LAMC3: variants seen among roughly 807,000 people sequenced by gnomAD.
LAMC3 encodes laminin subunit gamma 3, also known as laminin subunit gamma-3.
A neutral mutation model predicts 173.8 loss-of-function variants in LAMC3; 128 were observed. The ratio of observed to expected loss-of-function variants is 0.74; its 90% confidence interval spans 0.64 to 0.85. The LOEUF (loss-of-function observed/expected upper bound fraction) is 0.85, where lower values mean the gene tolerates loss of function less well. LAMC3 is among the 40% of genes least tolerant of loss of function. The pLI is 0.00. For missense variants in LAMC3, 2,022 were observed against 2,156.0 expected, an observed-to-expected ratio of 0.94 and a Z score of 1.23; for synonymous variants, 897 against 909.1, an observed-to-expected ratio of 0.99 and a Z score of 0.24.
intron 3 of LAMC3, among the ~76,000 whole-genome samples, chr9:131,035,886 G>A (rs1833934380): frequency 6.6e-6 from 1 of 152,174 alleles, no homozygotes; most frequent in South Asian, 2.1e-4. Context: ...CTTGCTAGCT[G>A]GTGGCTTTGG....
chr9:131,032,623 T>TCTCA (rs145869617), intron 3 of LAMC3, among the ~76,000 whole-genome samples: 2 of 146,116 alleles, frequency 1.4e-5, no homozygotes, highest in African/African-American at 5.3e-5. Flanking sequence ...TCTCTCTCTC[T>TCTCA]CACTCTCTCT....
rs779815278 is a variant in LAMC3 at position 131,032,178 on chromosome 9, A to G, written c.809+3A>G. 1.3e-6 allele frequency: 2 copies of G among 1,493,650 alleles called. No homozygotes were observed. The highest frequency in any genetic ancestry group is 3.0e-5 in the African/African-American group (2 of 67,734). 92.5% of individuals were successfully genotyped at this position (1,493,650 alleles called of 1,614,324 possible). ...TCCGACTTCTCTGTGGGCGGCAGGT[A>G]GGAGGGAGGAGGGAGGCAGGGTGGC... On this transcript the variant is annotated splice_donor_region_variant and intron_variant, in intron 3 of 27. Coordinates refer to ENST00000361069, the MANE Select transcript of LAMC3 (RefSeq NM_006059.4).
At chr9:131,050,060 G>C (rs1433721977) in intron 9 of LAMC3, among the ~76,000 whole-genome samples, 1 of 152,262 alleles carries the variant, frequency 6.6e-6, no homozygotes, top group Non-Finnish European at 1.5e-5. Context: ...GAAGTCAAAG[G>C]CGTCGGGCCC....
intron 27 of LAMC3, 111 bp from the exon 28 acceptor site, chr9:131,091,426 G>A: frequency 7.2e-7 from 1 of 1,395,804 alleles, no homozygotes; most frequent in Non-Finnish European, 9.9e-7. Flanking sequence ...TGGATGGTGG[G>A]CCATTGGAAT....
chr9:131,058,453 C>T (rs760462094), intron 12 of LAMC3, among the ~76,000 whole-genome samples: 2 of 151,626 alleles, frequency 1.3e-5, no homozygotes, highest in African/African-American at 2.4e-5. Flanking sequence ...TGGCCTTGCT[C>T]AAGGTCACAT....
At chr9:131,067,348 A>G in intron 14 of LAMC3, 143 bp downstream of exon 14, 2 of 1,010,486 alleles carry the variant, frequency 2.0e-6, no homozygotes, top group Non-Finnish European at 3.0e-6. Flanking sequence ...CAGGCAGGTC[A>G]CTTCCCTTCC....
At chr9:131,017,241 G>A (rs1007924916) in intron 1 of LAMC3, among the ~76,000 whole-genome samples, 1 of 152,192 alleles carries the variant, frequency 6.6e-6, no homozygotes, top group Admixed American at 6.5e-5. Flanking sequence ...TCTCGGGAGG[G>A]GAGCTTGGAG....
At chr9:131,018,281 C>T (rs1296362244) in intron 1 of LAMC3, among the ~76,000 whole-genome samples, 46 of 151,534 alleles carry the variant, frequency 3.0e-4, no homozygotes, top group Admixed American at 3.0e-3. Flanking sequence ...ATTACAGGTG[C>T]ATGCCACCAT....
At chr9:131,027,102 G>A (rs1318671478) in intron 2 of LAMC3, among the ~76,000 whole-genome samples, 1 of 152,214 alleles carries the variant, frequency 6.6e-6, no homozygotes, top group Non-Finnish European at 1.5e-5. Flanking sequence ...GAAGGAAGAC[G>A]GGCTACTCAG....
intron 2 of LAMC3, among the ~76,000 whole-genome samples, chr9:131,031,369 A>G (rs556412129): frequency 6.6e-5 from 10 of 152,276 alleles, no homozygotes; most frequent in East Asian, 1.9e-4. Flanking sequence ...GCAGGTATTT[A>G]TCGAGTGCCT....
rs34368388 is a variant in LAMC3, at chr9:131,024,150, CT to C, written c.374-2119del. On this transcript the variant is annotated intron_variant, in intron 1 of 27. Coordinates refer to ENST00000361069, the MANE Select transcript of LAMC3 (RefSeq NM_006059.4). ...TTTTCTTCTAAGAAAGAAGTTTTAGCTTTTTTTTTTTTTTTTAGACAGTCTT... is the reference window on the plus strand; with the variant it reads ...TTTTCTTCTAAGAAAGAAGTTTTAGCTTTTTTTTTTTTTTTAGACAGTCTT... Among the ~76,000 whole-genome samples, 417 of 131,420 alleles carry C rather than the reference CT, an allele frequency of 3.2e-3. 2 individuals are homozygous for C. Among genetic ancestry groups the C allele is most frequent in the East Asian group, 3.9e-3 (18 of 4,580 alleles). 86.2% of individuals were successfully genotyped at this position (131,420 alleles called of 152,430 possible). A position where few individuals can be genotyped will look rare whatever the true frequency, so the allele number is the denominator to read the frequency against.
At chr9:131,084,848 G>A (rs1294103418) in intron 24 of LAMC3, among the ~76,000 whole-genome samples, 1 of 151,344 alleles carries the variant, frequency 6.6e-6, no homozygotes, top group East Asian at 1.9e-4. Flanking sequence ...GCAGTGAGCT[G>A]AGATCTCTCC....
chr9:131,068,366 G>A lies in LAMC3; in HGVS notation c.2747+135G>A, dbSNP rs929214059. 53 of 902,014 alleles carry A rather than the reference G, an allele frequency of 5.9e-5. No individual in the cohort carries two copies. The South Asian group carries it at 7.3e-4, about 12-fold the overall frequency. 55.9% of individuals were successfully genotyped at this position (902,014 alleles called of 1,614,324 possible). On this transcript the variant is annotated intron_variant, in intron 15 of 27. Transcript: ENST00000361069. The stretch of plus-strand genomic sequence containing the variant: ...TGCCAGGCACATTGTGCCCTTTGCC[G>A]AAGGGGAGCAAAGGGATGGACTCTT...
intron 6 of LAMC3, 104 bp from the exon 7 acceptor site, chr9:131,041,533 C>T: frequency 1.1e-5 from 11 of 989,014 alleles, no homozygotes; most frequent in Admixed American, 5.9e-5. Context: ...GCGTCAGCCT[C>T]ACTCCTGATG....
At chr9:131,038,094 C>G (rs1024562826) in intron 4 of LAMC3, among the ~76,000 whole-genome samples, 1 of 152,226 alleles carries the variant, frequency 6.6e-6, no homozygotes, top group Non-Finnish European at 1.5e-5. Context: ...CTGTCTGCGA[C>G]GCCCTTCCCG....
At chr9:131,027,904 G>A (rs528881198) in intron 2 of LAMC3, among the ~76,000 whole-genome samples, 1 of 152,376 alleles carries the variant, frequency 6.6e-6, no homozygotes, top group Non-Finnish European at 1.5e-5. Context: ...GTGCGGACCT[G>A]CCGGGATCGG....
chr9:131,072,418 T>A (rs757977149), intron 18 of LAMC3, among the ~76,000 whole-genome samples: 4 of 152,132 alleles, frequency 2.6e-5, no homozygotes, highest in African/African-American at 7.2e-5. Flanking sequence ...ATGACTGACT[T>A]GCTGTGGGTA....
Position 131,039,095 on chromosome 9 carries a change from C to G in LAMC3, c.1166-36C>G, listed in dbSNP as rs1039254496. On this transcript the variant is annotated intron_variant, in intron 5 of 27. Transcript: ENST00000361069. Reference sequence around the variant, plus strand: ...CCCCAGCCTCCGACCCTCTCCCTTTCCTGGCCTCAATTGCCCTGTGCCCTT... The same window carrying G: ...CCCCAGCCTCCGACCCTCTCCCTTTGCTGGCCTCAATTGCCCTGTGCCCTT... 5 of 1,612,132 alleles carry G rather than the reference C, an allele frequency of 3.1e-6. No homozygotes were observed. In the Admixed American group the frequency reaches 8.3e-5, roughly 27 times the overall value.
intron 1 of LAMC3, among the ~76,000 whole-genome samples, chr9:131,016,505 G>T (rs1034912045): frequency 5.9e-5 from 9 of 152,210 alleles, no homozygotes; most frequent in Non-Finnish European, 8.8e-5. Flanking sequence ...TTTGGCAAAG[G>T]AATCCTACTT....
Sources: gnomAD v4.1 joint callset for allele counts (sites outside exome capture counted in the v4.1 genomes callset) on GRCh38, gnomAD v4.1.1 for gene constraint, MANE v1.5 for transcripts, NCBI Gene and HGNC (gene_info 2026-07-23, HGNC 2026-07-21) for gene names.